LRRTM4: variants seen among roughly 807,000 people sequenced by gnomAD.
LRRTM4 encodes the protein leucine rich repeat transmembrane neuronal 4.
A neutral mutation model predicts 47.6 loss-of-function variants in LRRTM4; 25 were observed. The ratio of observed to expected loss-of-function variants is 0.53; its 90% confidence interval spans 0.38 to 0.73. The LOEUF (loss-of-function observed/expected upper bound fraction) is 0.73. LRRTM4 is among the 30% of genes least tolerant of loss of function. LRRTM4 has a pLI of 0.00. For synonymous variants in LRRTM4, 311 were observed against 269.5 expected (o/e 1.15, Z -1.51); for missense variants, 638 against 713.4 (o/e 0.89, Z 1.20).
intron 3 of LRRTM4, among the ~76,000 whole-genome samples, chr2:77,228,214 C>T (rs1674866958): frequency 6.6e-6 from 1 of 152,094 alleles, no homozygotes; most frequent in African/African-American, 2.4e-5. Flanking sequence ...CTGTCCAAAT[C>T]CATGATATTT....
intron 3 of LRRTM4, among the ~76,000 whole-genome samples, chr2:77,400,087 C>G (rs1160506409): frequency 6.6e-6 from 1 of 151,810 alleles, no homozygotes; most frequent in Non-Finnish European, 1.5e-5. Flanking sequence ...TCTCTGGAAA[C>G]CACTATTCTA....
intron 3 of LRRTM4, among the ~76,000 whole-genome samples, chr2:77,133,787 C>A (rs1671863000): frequency 6.6e-6 from 1 of 152,154 alleles, no homozygotes; most frequent in South Asian, 2.1e-4. Flanking sequence ...CATTGAATGT[C>A]ACCTTGACTC....
intron 3 of LRRTM4, among the ~76,000 whole-genome samples, chr2:76,868,318 G>A (rs13353373): frequency 0.013 from 1,928 of 152,144 alleles, 44 homozygotes; most frequent in African/African-American, 0.045. Flanking sequence ...TATCCTATGA[G>A]GTCTGAATCA....
chr2:77,395,752 G>T (rs1239083784), intron 3 of LRRTM4, among the ~76,000 whole-genome samples: 2 of 151,774 alleles, frequency 1.3e-5, no homozygotes, highest in East Asian at 1.9e-4. Context: ...AGTCATTTTT[G>T]AAATATCTAT....
chr2:77,040,842 G>A (rs763120465), intron 3 of LRRTM4, among the ~76,000 whole-genome samples: 1 of 151,368 alleles, frequency 6.6e-6, no homozygotes, highest in African/African-American at 2.4e-5. Context: ...GGGGTAAAGT[G>A]TATTGTTTTA....
At chr2:76,890,798 A>G (rs17013289) in intron 3 of LRRTM4, among the ~76,000 whole-genome samples, 6,841 of 152,068 alleles carry the variant, frequency 0.045, 331 homozygotes, top group East Asian at 0.13. Flanking sequence ...TTCATACAGA[A>G]CTAAAATATA....
intron 3 of LRRTM4, among the ~76,000 whole-genome samples, chr2:77,244,953 A>C (rs1318497904): frequency 6.6e-6 from 1 of 152,144 alleles, no homozygotes; most frequent in African/African-American, 2.4e-5. Context: ...GCCCTAGTCA[A>C]CACCTTGATT....
intron 3 of LRRTM4, among the ~76,000 whole-genome samples, chr2:77,062,054 G>A (rs1679804297): frequency 6.6e-6 from 1 of 152,120 alleles, no homozygotes; most frequent in Non-Finnish European, 1.5e-5. Flanking sequence ...ATGTGTCCGG[G>A]GCATAGAGAG....
chr2:76,859,221 G>C (rs1307285434), intron 3 of LRRTM4, among the ~76,000 whole-genome samples: 1 of 152,138 alleles, frequency 6.6e-6, no homozygotes. Context: ...GTTGGAGTAG[G>C]AAAGACTGAG....
intron 3 of LRRTM4, among the ~76,000 whole-genome samples, chr2:77,483,118 C>CAAAAAAAAAAAAAAAAAAAAAAA (rs776265725): frequency 5.0e-5 from 3 of 60,582 alleles, no homozygotes; most frequent in Non-Finnish European, 8.4e-5. Context: ...AAGACTGTCT[C>CAAAAAAAAAAAAAAAAAAAAAAA]AAAAAAAAAA....
At chr2:77,318,669 G>T (rs1677691785) in intron 3 of LRRTM4, among the ~76,000 whole-genome samples, 1 of 152,132 alleles carries the variant, frequency 6.6e-6, no homozygotes, top group African/African-American at 2.4e-5. Context: ...TATGTGGCAT[G>T]AATACTGTTT....
chr2:77,437,282 A>C (rs1160289502), intron 3 of LRRTM4, among the ~76,000 whole-genome samples: 1 of 152,054 alleles, frequency 6.6e-6, no homozygotes, highest in Non-Finnish European at 1.5e-5. Flanking sequence ...CTGAGCAGGC[A>C]AGCATGAGAA....
At chr2:76,879,723 A>T (rs1339040746) in intron 3 of LRRTM4, among the ~76,000 whole-genome samples, 3 of 152,160 alleles carry the variant, frequency 2.0e-5, no homozygotes, top group Middle Eastern at 3.2e-3. Context: ...TGATTTCTCT[A>T]ACAGATCTGG....
intron 3 of LRRTM4, among the ~76,000 whole-genome samples, chr2:76,891,285 A>G (rs924794131): frequency 6.6e-6 from 1 of 151,878 alleles, no homozygotes; most frequent in Non-Finnish European, 1.5e-5. Context: ...TGACCAACTC[A>G]ATCACCCGCT....
intron 3 of LRRTM4, among the ~76,000 whole-genome samples, chr2:77,164,432 T>C (rs1430803087): frequency 6.6e-6 from 1 of 152,150 alleles, no homozygotes; most frequent in Non-Finnish European, 1.5e-5. Flanking sequence ...TACCCAGGAA[T>C]TGAATTCAGC....
At chr2:77,020,693 G>A (rs1678235740) in intron 3 of LRRTM4, among the ~76,000 whole-genome samples, 1 of 152,106 alleles carries the variant, frequency 6.6e-6, no homozygotes, top group African/African-American at 2.4e-5. Context: ...TGACAATGAA[G>A]CAGCCTGAGA....
chr2:77,364,296 G>A (rs944419411), intron 3 of LRRTM4, among the ~76,000 whole-genome samples: 5 of 152,076 alleles, frequency 3.3e-5, no homozygotes, highest in African/African-American at 4.8e-5. Flanking sequence ...TCTAAAAATT[G>A]AGTCTTCAAA....
chr2:76,761,266 G>A (rs1180384686), intron 3 of LRRTM4, among the ~76,000 whole-genome samples: 5 of 152,164 alleles, frequency 3.3e-5, no homozygotes, highest in Non-Finnish European at 7.4e-5. Flanking sequence ...TGTTTTTTGA[G>A]CCTCCAACTA....
chr2:77,218,800 C>T, intron 3 of LRRTM4, among the ~76,000 whole-genome samples: 1 of 152,088 alleles, frequency 6.6e-6, no homozygotes, highest in Non-Finnish European at 1.5e-5. Flanking sequence ...TTTGTGCAAA[C>T]TTTGTGATGC....
Sources: gnomAD v4.1 joint callset for allele counts (sites outside exome capture counted in the v4.1 genomes callset) on GRCh38, gnomAD v4.1.1 for gene constraint, MANE v1.5 for transcripts, NCBI Gene and HGNC (gene_info 2026-07-23, HGNC 2026-07-21) for gene names.